The following ANKRD18B variants were observed in gnomAD, a reference collection of about 807,000 sequenced individuals.
ANKRD18B encodes the protein ankyrin repeat domain 18B.
A neutral mutation model predicts 111.8 loss-of-function variants in ANKRD18B; 75 were observed. That is an observed-to-expected ratio of 0.67 (90% confidence interval 0.56 to 0.81). The LOEUF is 0.81. Among genes scored for constraint, ANKRD18B ranks in the 40% least tolerant of loss-of-function variants. The pLI is 0.00. For missense variants in ANKRD18B, 1,038 were observed against 1,225.5 expected, an observed-to-expected ratio of 0.85 and a Z score of 2.28; for synonymous variants, 356 against 417.3, an observed-to-expected ratio of 0.85 and a Z score of 1.79.
At chr9:33,557,042 G>A (rs1350698099) in intron 13 of ANKRD18B, among the ~76,000 whole-genome samples, 1 of 151,990 alleles carries the variant, frequency 6.6e-6, no homozygotes, top group African/African-American at 2.4e-5. Flanking sequence ...TGTATTTACT[G>A]AGCACTTAAG....
chr9:33,554,671 G>A (rs535067766), intron 12 of ANKRD18B, among the ~76,000 whole-genome samples: 1 of 152,256 alleles, frequency 6.6e-6, no homozygotes, highest in East Asian at 1.9e-4. Flanking sequence ...GTGAGGTGGT[G>A]TTGCAGAATC....
chr9:33,550,306 G>A (rs1828427958), intron 11 of ANKRD18B, 124 bp from the exon 12 acceptor site: 22 of 1,046,770 alleles, frequency 2.1e-5, no homozygotes, highest in Non-Finnish European at 3.0e-5. Flanking sequence ...GTGTACATAT[G>A]AGGAAAAGAA....
chr9:33,545,746 A>G (rs988074144), intron 10 of ANKRD18B, among the ~76,000 whole-genome samples: 1 of 152,208 alleles, frequency 6.6e-6, no homozygotes, highest in Non-Finnish European at 1.5e-5. Flanking sequence ...CAGGCTTGTT[A>G]CAAGTAGAGT....
chr9:33,547,817 G>A (rs1422822890), intron 10 of ANKRD18B, 121 bp from the exon 11 acceptor site: 2 of 692,664 alleles, frequency 2.9e-6, no homozygotes, highest in African/African-American at 3.8e-5. Flanking sequence ...TTTTTCTCCA[G>A]TTGGTTATCC....
rs1279757701 is a variant in ANKRD18B at position 33,529,129 on chromosome 9, G to C, written c.451G>C (p.Glu151Gln). ...GTATAATGAGGGGACTTCACTGGCAGAAAGACTGCTTTCCCACCATGCAAA... is the reference window on the plus strand; with the variant it reads ...GTATAATGAGGGGACTTCACTGGCACAAAGACTGCTTTCCCACCATGCAAA... ...AVYNEGTSLA[E>Q]RLLSHHANIE... Residue 151 changes from glutamate (E) to glutamine (Q), a missense_variant, in exon 3 of 19, where the codon GAA becomes CAA. Transcript: ENST00000684830. The C allele has an allele frequency of 6.2e-7, 1 of 1,611,920 alleles. No homozygotes were observed.
At chr9:33,557,388 CT>C (rs1276024843) in intron 13 of ANKRD18B, among the ~76,000 whole-genome samples, 1 of 151,932 alleles carries the variant, frequency 6.6e-6, no homozygotes, top group Non-Finnish European at 1.5e-5. Context: ...ATATGTTTTA[CT>C]TTTTTAAAGT....
In ANKRD18B at chr9:33,557,032, T is replaced by C. The variant is rs1388270098; in HGVS notation, c.2331-1026T>C. Among the ~76,000 whole-genome samples, 4 of 152,266 alleles carry C rather than the reference T, an allele frequency of 2.6e-5. No individual in the cohort carries two copies. In the East Asian group the frequency reaches 7.7e-4, roughly 29 times the overall value. ...AGCCCTGAACACAGCTACTTTTCCA[T>C]GTATTTACTGAGCACTTAAGTTGGT... On this transcript the variant is annotated intron_variant, in intron 13 of 18. Coordinates refer to ENST00000684830, the MANE Select transcript of ANKRD18B (RefSeq NM_001393611.1).
At chr9:33,540,955 T>G (rs1173908193) in intron 8 of ANKRD18B, among the ~76,000 whole-genome samples, 192 bp from the exon 9 acceptor site, 1 of 152,144 alleles carries the variant, frequency 6.6e-6, no homozygotes, top group Non-Finnish European at 1.5e-5. Context: ...TGGGAGCATA[T>G]AGTTATTATT....
rs201363505 is a variant in ANKRD18B at position 33,529,398 on chromosome 9, ACTT to A, written c.495+232_495+234del. 1.4e-3 allele frequency among the ~76,000 whole-genome samples: 210 copies of A among 152,278 alleles called. 4 individuals are homozygous for A. The East Asian group carries it at 0.035, about 25-fold the overall frequency. On this transcript the variant is annotated intron_variant, in intron 3 of 18. Coordinates refer to ENST00000684830, the MANE Select transcript of ANKRD18B (RefSeq NM_001393611.1). ...GTATTTGTGAATTTGTTAAGGTAAA[ACTT>A]CTTCTTTTCAAGTATTTGTTTCCTA... is the stretch of plus-strand genomic sequence containing the variant.
intron 5 of ANKRD18B, among the ~76,000 whole-genome samples, chr9:33,534,825 CTT>C (rs374951470): frequency 1.1e-4 from 13 of 123,232 alleles, no homozygotes; most frequent in Admixed American, 2.6e-4. Flanking sequence ...TTCTTTCTTC[CTT>C]TTTTTTTTTT....
chr9:33,555,177 G>C (rs1828504319), intron 12 of ANKRD18B, among the ~76,000 whole-genome samples: 1 of 152,168 alleles, frequency 6.6e-6, no homozygotes, highest in African/African-American at 2.4e-5. Context: ...AATAAACTTT[G>C]TTTAAAGAGA....
At chr9:33,530,000 T>C (rs1184667069) in intron 3 of ANKRD18B, among the ~76,000 whole-genome samples, 2 of 152,180 alleles carry the variant, frequency 1.3e-5, no homozygotes, top group East Asian at 1.9e-4. Context: ...AAGCAGCTTA[T>C]AAATAGCAAA....
chr9:33,527,424 C>T (rs1405865605), intron 1 of ANKRD18B, among the ~76,000 whole-genome samples: 5 of 152,050 alleles, frequency 3.3e-5, no homozygotes, highest in Non-Finnish European at 5.9e-5. Context: ...AAGGTTCAAG[C>T]GATTATCCTG....
Position 33,548,862 on chromosome 9 carries a change from A to G in ANKRD18B, c.2067+7A>G, listed in dbSNP as rs1274210334. On this transcript the variant is annotated splice_region_variant and intron_variant, in intron 11 of 18. Transcript: ENST00000684830. The stretch of plus-strand genomic sequence containing the variant: ...AGAAAAAGCAGAAAGAGAAGTAAGT[A>G]TGAAGAAAACTATAACCTTCTGGAA... 6.8e-7 allele frequency: 1 copy of G among 1,472,056 alleles called. No individual in the cohort carries two copies. The highest frequency in any genetic ancestry group is 9.0e-7 in the Non-Finnish European group (1 of 1,114,274). The allele number at this position is 1,472,056 out of a possible 1,614,324, so 91.2% of individuals were successfully genotyped here.
At chr9:33,570,768 G>A (rs1391360843) in intron 17 of ANKRD18B, among the ~76,000 whole-genome samples, 2 of 151,652 alleles carry the variant, frequency 1.3e-5, no homozygotes, top group Admixed American at 6.6e-5. Flanking sequence ...CTCCCGAGTA[G>A]CTGGGACTAG....
intron 14 of ANKRD18B, among the ~76,000 whole-genome samples, chr9:33,561,428 T>C (rs1245131680): frequency 6.6e-6 from 1 of 152,232 alleles, no homozygotes; most frequent in Non-Finnish European, 1.5e-5. Context: ...ATATATCCTA[T>C]ATATGTAAGT....
chr9:33,541,709 A>G (rs1391962292), intron 9 of ANKRD18B, among the ~76,000 whole-genome samples: 1 of 152,148 alleles, frequency 6.6e-6, no homozygotes, highest in Non-Finnish European at 1.5e-5. Context: ...CAGAAAATTC[A>G]AGTCAAATAA....
At chr9:33,575,064 C>T (rs76221492), downstream of ANKRD18B, among the ~76,000 whole-genome samples, 21 of 152,218 alleles carry the variant, frequency 1.4e-4, no homozygotes, top group African/African-American at 4.8e-4. Context: ...GGGACAGTCA[C>T]TATCAAGTGG....
rs1195150918 is a variant in ANKRD18B, at chr9:33,566,494, T to C, written c.2736T>C (p.His912=). The part of the protein sequence containing the change: ...MQAIEKLEEI[H]LQKQAEYEKQ... ...CAATAGAAAAATTAGAAGAAATCCA[T>C]TTACAGGTTAGTTTTTAAAATCAGG... The change falls in exon 15 of 19, where the codon CAT becomes CAC. Residue 912 remains histidine, a synonymous_variant. Transcript: ENST00000684830. 3.1e-6 allele frequency: 5 copies of C among 1,603,282 alleles called. No individual in the cohort carries two copies. Among genetic ancestry groups the C allele is most frequent in the African/African-American group, 1.3e-5 (1 of 74,358 alleles).
Sources: gnomAD v4.1 joint callset for allele counts (sites outside exome capture counted in the v4.1 genomes callset) on GRCh38, gnomAD v4.1.1 for gene constraint, MANE v1.5 for transcripts, NCBI Gene and HGNC (gene_info 2026-07-23, HGNC 2026-07-21) for gene names.